STAB1: variants seen among roughly 807,000 people sequenced by gnomAD.
The protein encoded by STAB1 is stabilin-1.
STAB1 carries 250 observed loss-of-function variants against 332.4 expected under a neutral mutation model. The observed-to-expected ratio is 0.75, with a 90% CI of 0.68 to 0.84. STAB1 has a LOEUF of 0.84. Ranked by LOEUF, STAB1 falls within the 40% of genes least tolerant of loss-of-function variation. The pLI is 0.00. For synonymous variants in STAB1, 1,475 were observed against 1,390.4 expected (o/e 1.06, Z -1.35); for missense variants, 3,249 against 3,489.7 (o/e 0.93, Z 1.74).
Position 52,503,003 on chromosome 3 carries a change from GC to G in STAB1, c.591del (p.Val198SerfsTer52). 1.3e-6 allele frequency: 2 copies of G among 1,579,432 alleles called. No individual in the cohort carries two copies. The highest frequency in any genetic ancestry group is 1.7e-6 in the Non-Finnish European group (2 of 1,163,484). On this transcript the variant is annotated frameshift_variant, in exon 7 of 69. Coordinates refer to ENST00000321725, the MANE Select transcript of STAB1 (RefSeq NM_015136.3). LOFTEE classifies it high-confidence loss of function. ...TGCTCTCTCCACTCTGCGCAGAGCTGCCCGTCTGCCAGGAGCTGCGCTGTCC... is the reference window on the plus strand; with the variant it reads ...TGCTCTCTCCACTCTGCGCAGAGCTGCCGTCTGCCAGGAGCTGCGCTGTCC... The part of the protein sequence containing the change: ...YTGPHCDQEL[P>X]VCQELRCPQN...
Position 52,512,858 on chromosome 3 carries a change from C to G in STAB1, c.3058C>G (p.Arg1020Gly), listed in dbSNP as rs567919722. Residue 1020 changes from arginine to glycine, a missense_variant, in exon 29 of 69, where the codon CGA becomes GGA. Coordinates refer to ENST00000321725, the MANE Select transcript of STAB1 (RefSeq NM_015136.3). ...CGGCATCACGCTTCCTGCCGACCGC[C>G]GAGTCACAGCCCTGGTGCCCTCCGA... ...SAGITLPADR[R>G]VTALVPSEAA... The G allele has an allele frequency of 5.6e-5, 91 of 1,610,746 alleles. No individual in the cohort carries two copies. The highest frequency in any genetic ancestry group is 4.2e-6 in the Non-Finnish European group (5 of 1,179,902).
chr3:52,521,149 C>A, intron 55 of STAB1, 144 bp downstream of exon 55: 1 of 1,204,330 alleles, frequency 8.3e-7, no homozygotes, highest in Non-Finnish European at 1.1e-6. Flanking sequence ...AGCGGGAGTG[C>A]TCGGGAGAGG....
In STAB1 at chr3:52,503,394, G is replaced by GT; in HGVS notation, c.746dup (p.Ser250GlufsTer12). 6.2e-7 allele frequency: 1 copy of GT among 1,613,592 alleles called. No homozygotes were observed. The highest frequency in any genetic ancestry group is 8.5e-7 in the Non-Finnish European group (1 of 1,180,012). ...CTGCTCACTGCTGGCCCAGTGCTCGGTGAGCCCCAAGGGGCAGGCTCAGTG... is the reference window on the plus strand; with the variant it reads ...CTGCTCACTGCTGGCCCAGTGCTCGGTTGAGCCCCAAGGGGCAGGCTCAGTG... On this transcript the variant is annotated frameshift_variant, in exon 8 of 69. Coordinates refer to ENST00000321725, the MANE Select transcript of STAB1 (RefSeq NM_015136.3). LOFTEE classifies it high-confidence loss of function.
chr3:52,505,727 C>G lies in STAB1; in HGVS notation c.1641C>G (p.Ser547Arg), dbSNP rs139998974. ...GPGPFTVFAP[S>R]NEAVDSLRDG... ...GGCCCTTCACAGTCTTTGCCCCAAG[C>G]AATGAGGCTGTGGACAGCTTGCGTG... Residue 547 changes from serine (S) to arginine (R), a missense_variant, in exon 15 of 69, where the codon AGC (serine) becomes AGG (arginine). Coordinates refer to ENST00000321725, the MANE Select transcript of STAB1 (RefSeq NM_015136.3). The G allele has an allele frequency of 6.2e-7, 1 of 1,613,918 alleles. No homozygotes were observed. Among genetic ancestry groups the G allele is most frequent in the South Asian group, 1.1e-5 (1 of 91,088 alleles).
chr3:52,521,754 A>G, intron 57 of STAB1, 54 bp downstream of exon 57: 4 of 1,607,492 alleles, frequency 2.5e-6, no homozygotes, highest in Non-Finnish European at 3.4e-6. Context: ...ATGTGCACAC[A>G]TCAGTAAAGG....
rs536342200 is a variant in STAB1, at chr3:52,510,554, C to G, written c.2787+47C>G. ...GTGGGGGCCTTGGTTCTGGGGGACT[C>G]TCTCCCTGCCCCATCTGACTCCTGG... On this transcript the variant is annotated intron_variant, in intron 25 of 68. Transcript: ENST00000321725. 1.5e-5 allele frequency: 23 copies of G among 1,581,390 alleles called. 1 individual carries two copies. Among genetic ancestry groups the G allele is most frequent in the Middle Eastern group, 3.6e-4 (2 of 5,544 alleles).
chr3:52,505,058 CCAA>C lies in STAB1; in HGVS notation c.1439_1441del (p.Asn480del), dbSNP rs1708746477. 1 of 1,613,726 alleles carries C rather than the reference CCAA, an allele frequency of 6.2e-7. No homozygotes were observed. The highest frequency in any genetic ancestry group is 8.5e-7 in the Non-Finnish European group (1 of 1,180,018). ...CAGCAGACGTTCAACATCTACAAGG[CCAA>C]CAACATAGCAGCTAATGGCGTCTTC... On this transcript the variant is annotated inframe_deletion, in exon 13 of 69. Transcript: ENST00000321725.
At position 52,523,582 on chromosome 3, in the gene STAB1, T is replaced by G; in HGVS notation, c.7290+6T>G. On this transcript the variant is annotated splice_donor_region_variant and intron_variant, in intron 65 of 68. Coordinates refer to ENST00000321725, the MANE Select transcript of STAB1 (RefSeq NM_015136.3). ...ACAGTTCCTGGGCCCCTGTGGTGAG[T>G]CTGGCCACTGTCCCACCCTGTTGGC... The G allele has an allele frequency of 6.2e-7, 1 of 1,612,654 alleles. No homozygotes were observed. Among genetic ancestry groups the G allele is most frequent in the Non-Finnish European group, 8.5e-7 (1 of 1,179,988 alleles).
rs764892649 is a variant in STAB1 at position 52,516,257 on chromosome 3, CG to C, written c.4144+24del. ...ACCGGAGGTGAGGACTGGGGAGGGG[CG>C]GGGGTGGGCCTCCTGGCAGCAGAGA... On this transcript the variant is annotated intron_variant, in intron 38 of 68. Transcript: ENST00000321725. 3.4e-5 allele frequency: 28 copies of C among 826,930 alleles called. No homozygotes were observed. Among genetic ancestry groups the C allele is most frequent in the Non-Finnish European group, 5.1e-5 (26 of 512,162 alleles). The allele number at this position is 826,930 out of a possible 1,614,324, so 51.2% of individuals were successfully genotyped here.
At chr3:52,519,426 G>A (rs573458533) in intron 49 of STAB1, 22 bp downstream of exon 49, 27 of 1,612,246 alleles carry the variant, frequency 1.7e-5, no homozygotes, top group Non-Finnish European at 2.3e-5. Flanking sequence ...ACGGGCCTGG[G>A]AGCTGGAAGA....
chr3:52,501,804 C>T, intron 3 of STAB1, 51 bp downstream of exon 3: 1 of 1,521,928 alleles, frequency 6.6e-7, no homozygotes, highest in African/African-American at 1.4e-5. Flanking sequence ...AGCCCCAGCT[C>T]TGGGCAAGCC....
rs1478069281 is a variant in STAB1 at position 52,511,709 on chromosome 3, C to A, written c.2847C>A (p.Asp949Glu). 2 of 1,607,590 alleles carry A rather than the reference C, an allele frequency of 1.2e-6. No homozygotes were observed. The highest frequency in any genetic ancestry group is 1.1e-5 in the South Asian group (1 of 90,282). Reference sequence around the variant, plus strand: ...ATGGCTACCAGTGCAGCCCCATCGACCCCTGCCGGGCAGGCAATGGCGGCT... The same window carrying A: ...ATGGCTACCAGTGCAGCCCCATCGAACCCTGCCGGGCAGGCAATGGCGGCT... ...AGDGYQCSPI[D>E]PCRAGNGGCH... is the part of the protein sequence containing the mutation. Residue 949 changes from aspartate (D) to glutamate (E), a missense_variant, in exon 26 of 69, where the codon GAC becomes GAA. By Grantham distance (45) the Asp-to-Glu change is conservative (BLOSUM62 2). Coordinates refer to ENST00000321725, the MANE Select transcript of STAB1 (RefSeq NM_015136.3).
chr3:52,505,205 G>A (rs1046512886), intron 13 of STAB1, 62 bp downstream of exon 13: 3 of 1,605,276 alleles, frequency 1.9e-6, no homozygotes, highest in Non-Finnish European at 2.6e-6. Context: ...CCCCTGCAGA[G>A]AGCAGTGAGT....
intron 28 of STAB1, 57 bp downstream of exon 28, chr3:52,512,700 T>A: frequency 6.2e-7 from 1 of 1,612,826 alleles, no homozygotes; most frequent in Non-Finnish European, 8.5e-7. Context: ...CCTGCCTGGA[T>A]GGAGGGGTGC....
rs544304477 is a variant in STAB1, at chr3:52,514,746, C to T, written c.3724C>T (p.Pro1242Ser). 6.2e-6 allele frequency: 10 copies of T among 1,613,066 alleles called. No individual in the cohort carries two copies. The highest frequency in any genetic ancestry group is 5.0e-5 in the Admixed American group (3 of 60,032). ...ACTGGAAGGCCCCATGCTGGAGGCC[C>T]CTGGCCGCTCGCTGATTGGTCTGTC... ...VPLEGPMLEAPGRSLIGLSGV... is the reference protein window; with the variant it reads ...VPLEGPMLEASGRSLIGLSGV... Residue 1242 changes from proline to serine, a missense_variant, in exon 35 of 69, where the codon CCT becomes TCT. Transcript: ENST00000321725.
Position 52,523,079 on chromosome 3 carries a change from A to G in STAB1, c.6965A>G (p.Asn2322Ser), listed in dbSNP as rs767585623. 1.0e-5 allele frequency: 16 copies of G among 1,571,462 alleles called. No individual in the cohort carries two copies. The highest frequency in any genetic ancestry group is 9.0e-5 in the East Asian group (4 of 44,520). Residue 2322 changes from asparagine to serine, a missense_variant, in exon 63 of 69, where the codon AAT becomes AGT. By Grantham distance (46) the Asn-to-Ser change is conservative. Coordinates refer to ENST00000321725, the MANE Select transcript of STAB1 (RefSeq NM_015136.3). ...GFVGDGISTC[N>S]GKLLDVLAAT... ...GTGGGTGACGGGATCAGCACGTGCA[A>G]TGGGAAGCTGCTGGATGTGCTGGCT...
intron 16 of STAB1, 55 bp downstream of exon 16, chr3:52,505,991 A>T: frequency 2.5e-6 from 4 of 1,606,374 alleles, no homozygotes; most frequent in Non-Finnish European, 3.4e-6. Context: ...GCCTGCCTGC[A>T]GGTTCTGGAC....
intron 36 of STAB1, 139 bp from the exon 37 acceptor site, chr3:52,515,284 C>A: frequency 1.1e-6 from 1 of 918,968 alleles, no homozygotes; most frequent in Non-Finnish European, 1.7e-6. Flanking sequence ...ATCAGTCTGC[C>A]TGTCTTGGTC....
rs1322752769 is a variant in STAB1, at chr3:52,505,901, G to C, written c.1714G>C (p.Glu572Gln). 1 of 1,613,952 alleles carries C rather than the reference G, an allele frequency of 6.2e-7. No homozygotes were observed. The change falls in exon 16 of 69, where the codon GAG becomes CAG. Residue 572 changes from glutamate (E) to glutamine (Q), a missense_variant. Physicochemically the swap from Glu to Gln is conservative, Grantham distance 29 (BLOSUM62 2). Transcript: ENST00000321725. ...CTGCCAGGGTCTCTCTAAACTGCAG[G>C]AGTTGGTGCGGTACCACATCTACAA... Reference protein sequence around the residue: ...LFTAGLSKLQELVRYHIYNHG... With the variant: ...LFTAGLSKLQQLVRYHIYNHG...
Sources: gnomAD v4.1 joint callset for allele counts on GRCh38, gnomAD v4.1.1 for gene constraint, MANE v1.5 for transcripts, NCBI Gene and HGNC (gene_info 2026-07-23, HGNC 2026-07-21) for gene names.